The following AGBL1 variants were observed in gnomAD, a reference collection of about 807,000 sequenced individuals.
AGBL1 encodes AGBL carboxypeptidase 1, also known as cytosolic carboxypeptidase 4.
A neutral mutation model predicts 118.9 loss-of-function variants in AGBL1; 130 were observed. The ratio of observed to expected loss-of-function variants is 1.09; its 90% confidence interval spans 0.95 to 1.26. The LOEUF is 1.26. AGBL1 is among the 50% of genes most tolerant of loss of function. The probability of loss-of-function intolerance (pLI) is 0.00; values close to 1 mark genes in which losing one functional copy is unlikely to be tolerated. For missense variants in AGBL1, 1,584 were observed against 1,298.1 expected (o/e 1.22, Z -3.38); for synonymous variants, 555 against 478.9 (o/e 1.16, Z -2.08).
chr15:86,268,539 C>A (rs914854707), intron 13 of AGBL1, among the ~76,000 whole-genome samples: 1 of 152,114 alleles, frequency 6.6e-6, no homozygotes, highest in African/African-American at 2.4e-5. Context: ...AGTCTAAAAT[C>A]CTAAATTCAT....
At chr15:86,256,718 A>G (rs1398147397) in intron 7 of AGBL1, 135 bp from the exon 8 acceptor site, 9 of 809,742 alleles carry the variant, frequency 1.1e-5, no homozygotes, top group South Asian at 1.8e-5. Context: ...CGGTCTGTCC[A>G]TGCGTATAAT....
intron 18 of AGBL1, among the ~76,000 whole-genome samples, chr15:86,416,842 C>A (rs1324380529): frequency 6.6e-6 from 1 of 152,126 alleles, no homozygotes; most frequent in African/African-American, 2.4e-5. Context: ...ATAGGCTTAG[C>A]AATTCGATGC....
chr15:86,258,159 G>C (rs971804497), intron 9 of AGBL1, 128 bp downstream of exon 9: 1 of 852,350 alleles, frequency 1.2e-6, no homozygotes. Context: ...CCACTCCAGT[G>C]GTCGTGATGC....
At chr15:86,322,821 A>G (rs2080123918) in intron 17 of AGBL1, among the ~76,000 whole-genome samples, 1 of 152,196 alleles carries the variant, frequency 6.6e-6, no homozygotes, top group Admixed American at 6.5e-5. Context: ...ATACATGGAT[A>G]CTTTCCCAGA....
intron 17 of AGBL1, among the ~76,000 whole-genome samples, chr15:86,326,542 T>C (rs1364134551): frequency 6.6e-6 from 1 of 152,198 alleles, no homozygotes; most frequent in African/African-American, 2.4e-5. Flanking sequence ...GAAGTTTGGC[T>C]GGTGGGAAAC....
chr15:86,658,146 G>T (rs2085489677), intron 21 of AGBL1, among the ~76,000 whole-genome samples: 1 of 152,056 alleles, frequency 6.6e-6, no homozygotes, highest in Non-Finnish European at 1.5e-5. Flanking sequence ...TCCAGGTTGG[G>T]TTGGATTCCC....
At chr15:86,544,168 T>C (rs949199907) in intron 19 of AGBL1, among the ~76,000 whole-genome samples, 2 of 152,204 alleles carry the variant, frequency 1.3e-5, no homozygotes, top group Non-Finnish European at 2.9e-5. Flanking sequence ...GCATTATGAT[T>C]CCTCTGCTCT....
At chr15:86,404,722 A>G (rs547515616) in intron 18 of AGBL1, among the ~76,000 whole-genome samples, 2 of 152,220 alleles carry the variant, frequency 1.3e-5, no homozygotes, top group African/African-American at 2.4e-5. Flanking sequence ...CCTTTTCTAC[A>G]TGGGATTATG....
At chr15:87,005,247 A>G (rs1159057606) in intron 24 of AGBL1, among the ~76,000 whole-genome samples, 2 of 152,084 alleles carry the variant, frequency 1.3e-5, no homozygotes, top group East Asian at 3.9e-4. Flanking sequence ...GCCTTGCTAG[A>G]TTGGGGAAGT....
intron 5 of AGBL1, among the ~76,000 whole-genome samples, chr15:86,161,911 C>T (rs561348205): frequency 6.6e-6 from 1 of 152,126 alleles, no homozygotes; most frequent in Non-Finnish European, 1.5e-5. Context: ...CAAGTCTTAC[C>T]TCCTAGGTTT....
chr15:86,478,764 C>T (rs1361774456), intron 18 of AGBL1, among the ~76,000 whole-genome samples: 1 of 152,132 alleles, frequency 6.6e-6, no homozygotes, highest in Non-Finnish European at 1.5e-5. Flanking sequence ...AAAAAGAACC[C>T]ACATTGCCAA....
At chr15:86,711,325 T>C (rs1179565539) in intron 22 of AGBL1, among the ~76,000 whole-genome samples, 1 of 152,168 alleles carries the variant, frequency 6.6e-6, no homozygotes, top group East Asian at 1.9e-4. Flanking sequence ...ATGAAAGCCT[T>C]TTGGTAAATG....
In AGBL1 at chr15:86,968,920, C is replaced by T. The variant is rs143005363; in HGVS notation, c.3222-19067C>T. ...CTCCCACAGGCCTTCTTTATAAAGGCGCTAATTCTATTCATGAGGCAGATC... is the reference window on the plus strand; with the variant it reads ...CTCCCACAGGCCTTCTTTATAAAGGTGCTAATTCTATTCATGAGGCAGATC... On this transcript the variant is annotated intron_variant, in intron 23 of 24. Transcript: ENST00000441037. Among the ~76,000 whole-genome samples, 531 of 151,814 alleles carry T rather than the reference C, an allele frequency of 3.5e-3. 4 individuals are homozygous for T. The highest frequency in any genetic ancestry group is 9.7e-3 in the African/African-American group (403 of 41,474).
At chr15:86,759,158 C>A (rs910219021) in intron 22 of AGBL1, among the ~76,000 whole-genome samples, 1 of 151,928 alleles carries the variant, frequency 6.6e-6, no homozygotes, top group Non-Finnish European at 1.5e-5. Context: ...TTGCAGGATT[C>A]ATGTTTAGTT....
intron 21 of AGBL1, among the ~76,000 whole-genome samples, chr15:86,576,539 G>C (rs1441581271): frequency 1.3e-5 from 2 of 152,166 alleles, no homozygotes; most frequent in Non-Finnish European, 2.9e-5. Flanking sequence ...TGACACAAGA[G>C]TAAGTTACAG....
At chr15:86,125,025 A>G (rs1303509259) in intron 1 of AGBL1, among the ~76,000 whole-genome samples, 1 of 152,174 alleles carries the variant, frequency 6.6e-6, no homozygotes, top group East Asian at 1.9e-4. Flanking sequence ...AGCATCTCTG[A>G]TTCATGAGGG....
chr15:86,426,563 C>A (rs774414045), intron 18 of AGBL1, among the ~76,000 whole-genome samples: 36 of 152,206 alleles, frequency 2.4e-4, no homozygotes, highest in Non-Finnish European at 4.7e-4. Flanking sequence ...CGGCCAACAA[C>A]TGAAGCCTCA....
At chr15:86,410,843 A>ATATAT (rs1567242934) in intron 18 of AGBL1, among the ~76,000 whole-genome samples, 12 of 72,720 alleles carry the variant, frequency 1.7e-4, no homozygotes, top group African/African-American at 6.9e-4. Flanking sequence ...TATATATATA[A>ATATAT]TATACTATTT....
intron 17 of AGBL1, among the ~76,000 whole-genome samples, chr15:86,395,988 G>A (rs912820476): frequency 1.3e-5 from 2 of 151,546 alleles, no homozygotes; most frequent in Non-Finnish European, 2.9e-5. Context: ...ATCGTATCAT[G>A]TTTGTCTTTC....
Sources: allele counts gnomAD v4.1 joint callset (sites outside exome capture counted in the v4.1 genomes callset), GRCh38; gene constraint gnomAD v4.1.1; transcripts MANE v1.5; gene names NCBI Gene and HGNC (gene_info 2026-07-23, HGNC 2026-07-21).